The following LRP1B variants were observed in gnomAD, a reference collection of about 807,000 sequenced individuals.
LRP1B encodes low-density lipoprotein receptor-related protein 1B.
A neutral mutation model predicts 556.6 loss-of-function variants in LRP1B; 217 were observed. The ratio of observed to expected loss-of-function variants is 0.39; its 90% CI spans 0.35 to 0.44. The LOEUF (loss-of-function observed/expected upper bound fraction) is 0.44, where lower values mean the gene tolerates loss of function less well. Ranked by LOEUF, LRP1B falls within the 20% of genes least tolerant of loss-of-function variation. LRP1B has a pLI of 1.00. For missense variants in LRP1B, 5,053 were observed against 5,620.8 expected (o/e 0.90, Z 3.23); for synonymous variants, 2,047 against 1,865.8 (o/e 1.10, Z -2.50).
At chr2:141,301,237 G>A (rs1227671379) in intron 3 of LRP1B, among the ~76,000 whole-genome samples, 1 of 152,118 alleles carries the variant, frequency 6.6e-6, no homozygotes, top group Admixed American at 6.5e-5. Context: ...ATGTGTGTGA[G>A]AGATGCATGA....
At chr2:140,962,953 A>G (rs1393101202) in intron 18 of LRP1B, among the ~76,000 whole-genome samples, 1 of 152,082 alleles carries the variant, frequency 6.6e-6, no homozygotes, top group East Asian at 1.9e-4. Context: ...TTGTAGGAAA[A>G]CTGGACCCTT....
intron 41 of LRP1B, among the ~76,000 whole-genome samples, chr2:140,657,568 C>T (rs377706293): frequency 0.038 from 1,936 of 50,504 alleles, 45 homozygotes; most frequent in Admixed American, 0.13. Flanking sequence ...TATATATACA[C>T]ATACATACAT....
At chr2:140,856,302 C>T (rs1692615578) in intron 27 of LRP1B, among the ~76,000 whole-genome samples, 1 of 152,176 alleles carries the variant, frequency 6.6e-6, no homozygotes, top group Admixed American at 6.6e-5. Context: ...CATCTTTCTG[C>T]CGTAAAACAT....
intron 82 of LRP1B, among the ~76,000 whole-genome samples, chr2:140,319,402 C>T (rs1214549401): frequency 6.6e-6 from 1 of 152,098 alleles, no homozygotes; most frequent in South Asian, 2.1e-4. Flanking sequence ...AGAGGAGGCA[C>T]CTGTGAGGGC....
At chr2:141,370,634 C>A (rs1689196383) in intron 3 of LRP1B, among the ~76,000 whole-genome samples, 1 of 152,070 alleles carries the variant, frequency 6.6e-6, no homozygotes, top group East Asian at 1.9e-4. Flanking sequence ...TTTTGCTGTG[C>A]AGAAGCTTTT....
At chr2:141,707,124 A>G (rs1400603775) in intron 2 of LRP1B, among the ~76,000 whole-genome samples, 7 of 152,138 alleles carry the variant, frequency 4.6e-5, no homozygotes, top group Admixed American at 4.6e-4. Flanking sequence ...ATTTAAGTGC[A>G]TTCACATTAA....
chr2:141,590,065 T>C (rs891688955), intron 2 of LRP1B, among the ~76,000 whole-genome samples: 1 of 152,174 alleles, frequency 6.6e-6, no homozygotes. Context: ...TGGAGGCTTA[T>C]TCATTACAAC....
At position 141,314,652 on chromosome 2, in the gene LRP1B, G is replaced by C. The variant is rs184647477; in HGVS notation, c.344-60011C>G. On this transcript the variant is annotated intron_variant, in intron 3 of 90. Transcript: ENST00000389484. ...TAAAAATAGAAAAAATTAGCCGGGC[G>C]TGGTGGCGGGCACTGGTAGTCCCAC... 2.6e-3 allele frequency among the ~76,000 whole-genome samples: 389 copies of C among 151,362 alleles called. 3 individuals carry two copies. Among genetic ancestry groups the C allele is most frequent in the African/African-American group, 9.1e-3 (376 of 41,296 alleles).
intron 11 of LRP1B, among the ~76,000 whole-genome samples, chr2:141,037,556 G>A (rs1023928928): frequency 6.6e-6 from 1 of 152,026 alleles, no homozygotes. Context: ...CTATAGGATA[G>A]TAGGCAGGAT....
chr2:140,748,850 A>C (rs1347890332), intron 35 of LRP1B, among the ~76,000 whole-genome samples: 2 of 138,334 alleles, frequency 1.4e-5, no homozygotes, highest in African/African-American at 5.3e-5. Context: ...ACATGTATAT[A>C]ATATATATAC....
At chr2:140,789,236 T>C (rs1690020885) in intron 32 of LRP1B, among the ~76,000 whole-genome samples, 1 of 152,152 alleles carries the variant, frequency 6.6e-6, no homozygotes, top group South Asian at 2.1e-4. Flanking sequence ...TCACCTTACA[T>C]TGAAGCAGGA....
intron 3 of LRP1B, among the ~76,000 whole-genome samples, chr2:141,276,659 T>TTTCTTTCTTTC (rs1553486495): frequency 5.3e-5 from 1 of 18,714 alleles, no homozygotes; most frequent in African/African-American, 1.8e-4. Context: ...TCTTTCTTTC[T>TTTCTTTCTTTC]TTTTTTTTTT....
chr2:142,027,375 T>C (rs972833164), intron 1 of LRP1B, among the ~76,000 whole-genome samples: 4 of 151,712 alleles, frequency 2.6e-5, no homozygotes, highest in South Asian at 2.1e-4. Context: ...TTCTAATTTC[T>C]TTAAAAATCT....
chr2:142,018,466 T>C (rs1212208362), intron 1 of LRP1B, among the ~76,000 whole-genome samples: 1 of 152,144 alleles, frequency 6.6e-6, no homozygotes, highest in Admixed American at 6.5e-5. Flanking sequence ...AGAAAAGAGT[T>C]TATTTTACTA....
chr2:140,915,508 G>A lies in LRP1B; in HGVS notation c.3320-7431C>T, dbSNP rs559511791. ...TACTAAAAAGAAAAAAAAAAATTTA[G>A]TCAGGTGTGGTGATGCATGCCTATA... On this transcript the variant is annotated intron_variant, in intron 21 of 90. Coordinates refer to ENST00000389484, the MANE Select transcript of LRP1B (RefSeq NM_018557.3). 8.6e-5 allele frequency among the ~76,000 whole-genome samples: 13 copies of A among 151,308 alleles called. No homozygotes were observed. In the East Asian group the frequency reaches 2.5e-3, roughly 30 times the overall value.
intron 3 of LRP1B, among the ~76,000 whole-genome samples, chr2:141,269,028 G>A (rs1448557688): frequency 6.6e-6 from 1 of 152,174 alleles, no homozygotes; most frequent in Non-Finnish European, 1.5e-5. Flanking sequence ...GAAGAGTGAA[G>A]CACTGTCCCA....
chr2:141,978,414 T>C (rs79538219), intron 1 of LRP1B, among the ~76,000 whole-genome samples: 1,821 of 152,160 alleles, frequency 0.012, 47 homozygotes, highest in African/African-American at 0.041. Context: ...TTTCTCAAAG[T>C]ACCAAATGAG....
intron 1 of LRP1B, among the ~76,000 whole-genome samples, chr2:141,885,389 G>T (rs182722660): frequency 5.9e-5 from 9 of 152,114 alleles, no homozygotes; most frequent in African/African-American, 2.2e-4. Context: ...ATAAGAGTAC[G>T]TACATGATAC....
chr2:140,915,690 T>TAAATAAATA, intron 21 of LRP1B, among the ~76,000 whole-genome samples: 1 of 126,202 alleles, frequency 7.9e-6, no homozygotes. Flanking sequence ...ATAAATAAAA[T>TAAATAAATA]AAATCTAAAA....
Sources: gnomAD v4.1 joint callset for allele counts (sites outside exome capture counted in the v4.1 genomes callset) on GRCh38, gnomAD v4.1.1 for gene constraint, MANE v1.5 for transcripts, NCBI Gene and HGNC (gene_info 2026-07-23, HGNC 2026-07-21) for gene names.